Variants in PAGE2B observed in about 807,000 individuals in gnomAD.
The protein encoded by PAGE2B is putative G antigen family E member 3.
In PAGE2B, 5 loss-of-function variants were observed where a neutral mutation model predicts 7.6. The observed-to-expected ratio is 0.66, with a 90% CI of 0.34 to 1.38. The LOEUF (loss-of-function observed/expected upper bound fraction) is 1.38. Among genes scored for constraint, PAGE2B ranks in the 40% most tolerant of loss-of-function variants. The pLI is 0.04. For missense variants in PAGE2B, 70 were observed against 78.4 expected, an observed-to-expected ratio of 0.89 and a Z score of 0.41; for synonymous variants, 29 against 26.7, an observed-to-expected ratio of 1.09 and a Z score of -0.27.
the PAGE2B span, among the ~76,000 whole-genome samples, chrX:55,051,304 G>C: frequency 3.6e-5 from 4 of 110,436 alleles, no homozygotes; most frequent in Non-Finnish European, 7.6e-5. Context: ...TGCTCTTCTC[G>C]AGGAGTATCT....
chrX:55,053,202 G>A, the PAGE2B span, among the ~76,000 whole-genome samples: 2 of 111,869 alleles, frequency 1.8e-5, no homozygotes, highest in African/African-American at 6.5e-5. Context: ...AAAAAGGAAT[G>A]AGATCATGTC....
the PAGE2B span, among the ~76,000 whole-genome samples, chrX:55,036,569 C>A: frequency 9.0e-6 from 1 of 111,027 alleles, no homozygotes; most frequent in African/African-American, 3.3e-5. Flanking sequence ...TCATATGGAA[C>A]CAAAAAAGAG....
the PAGE2B span, among the ~76,000 whole-genome samples, chrX:55,069,831 GA>G: frequency 3.6e-4 from 40 of 111,894 alleles, no homozygotes; most frequent in African/African-American, 1.1e-3. Context: ...TATTTGCGTA[GA>G]GGTGTTTATA....
At chrX:55,031,054 G>T in the PAGE2B span, 1 of 318,760 alleles carries the variant, frequency 3.1e-6, no homozygotes, top group East Asian at 1.0e-4. Flanking sequence ...CTGCCGGCCT[G>T]GCCCTGCATT....
At chrX:55,069,299 T>C in the PAGE2B span, among the ~76,000 whole-genome samples, 1 of 111,892 alleles carries the variant, frequency 8.9e-6, no homozygotes, top group African/African-American at 3.2e-5. Context: ...GAGATAATCA[T>C]GTGGTTTTTG....
At chrX:55,075,827 G>A (rs1389632772) in intron 1 of PAGE2B, among the ~76,000 whole-genome samples, 3 of 111,559 alleles carry the variant, frequency 2.7e-5, no homozygotes, top group Admixed American at 9.5e-5. Context: ...ATGGCGTTAA[G>A]GGGATTTCTA....
the PAGE2B span, among the ~76,000 whole-genome samples, chrX:55,038,759 T>C: frequency 8.9e-6 from 1 of 111,898 alleles, no homozygotes; most frequent in African/African-American, 3.2e-5. Flanking sequence ...TATTCTTATA[T>C]TTAGTATTTT....
At chrX:55,064,724 C>G in the PAGE2B span, among the ~76,000 whole-genome samples, 998 of 110,260 alleles carry the variant, frequency 9.1e-3, 32 homozygotes, top group Admixed American at 0.076. Context: ...TTGCTGTATG[C>G]CATAGGTTTT....
At chrX:55,064,804 C>A in the PAGE2B span, among the ~76,000 whole-genome samples, 336 of 111,569 alleles carry the variant, frequency 3.0e-3, 4 homozygotes, top group African/African-American at 0.011. Context: ...TCTTCATTGA[C>A]CCACTGGTCA....
At chrX:55,076,384 ATGTATATATGTATG>A (rs942197707) in intron 2 of PAGE2B, among the ~76,000 whole-genome samples, 171 bp from the exon 3 acceptor site, 7 of 105,860 alleles carry the variant, frequency 6.6e-5, no homozygotes, top group South Asian at 4.0e-4. Flanking sequence ...GTATGTATGT[ATGTATATATGTATG>A]TGTATATATG....
chrX:55,051,156 T>C, the PAGE2B span, among the ~76,000 whole-genome samples: 1 of 112,024 alleles, frequency 8.9e-6, no homozygotes, highest in Non-Finnish European at 1.9e-5. Flanking sequence ...TTCTGGCTTG[T>C]AGAGTTTCTG....
At chrX:55,075,842 T>C (rs1298463878) in intron 1 of PAGE2B, among the ~76,000 whole-genome samples, 192 bp from the exon 2 acceptor site, 1 of 111,732 alleles carries the variant, frequency 8.9e-6, no homozygotes, top group Non-Finnish European at 1.9e-5. Flanking sequence ...TTTCTATGCC[T>C]CTTCGACTAT....
At chrX:55,065,834 T>G in the PAGE2B span, among the ~76,000 whole-genome samples, 1 of 112,278 alleles carries the variant, frequency 8.9e-6, no homozygotes, top group African/African-American at 3.2e-5. Flanking sequence ...CAAGGAAAAC[T>G]AATAAACAAT....
the PAGE2B span, among the ~76,000 whole-genome samples, chrX:55,046,159 G>A: frequency 9.0e-6 from 1 of 110,671 alleles, no homozygotes; most frequent in Non-Finnish European, 1.9e-5. Context: ...TGTCGCCTGG[G>A]CTGGAGTGCA....
upstream of PAGE2B, among the ~76,000 whole-genome samples, chrX:55,073,155 C>T (rs73490456): frequency 0.069 from 7,711 of 111,446 alleles, 615 homozygotes; most frequent in African/African-American, 0.23. Context: ...AGTGTCTGCC[C>T]GAACAACTGC....
chrX:55,044,587 C>G, the PAGE2B span, among the ~76,000 whole-genome samples: 1 of 108,900 alleles, frequency 9.2e-6, no homozygotes, highest in Non-Finnish European at 1.9e-5. Flanking sequence ...ATCACCTATT[C>G]CCCAAAAACC....
the PAGE2B span, among the ~76,000 whole-genome samples, chrX:55,028,355 G>A: frequency 2.2e-4 from 24 of 111,154 alleles, no homozygotes; most frequent in Non-Finnish European, 3.6e-4. Context: ...GGATGGCCCA[G>A]AAGTGCAGGC....
upstream of PAGE2B, among the ~76,000 whole-genome samples, chrX:55,072,567 C>G (rs1243213198): frequency 1.8e-5 from 2 of 112,510 alleles, no homozygotes. Flanking sequence ...TGTCCCTTAC[C>G]AGAGCTCAAG....
At chrX:55,074,099 C>G (rs1173424949), upstream of PAGE2B, among the ~76,000 whole-genome samples, 24 of 111,812 alleles carry the variant, frequency 2.1e-4, no homozygotes, top group Admixed American at 7.6e-4. Flanking sequence ...TAATATGAAG[C>G]AAATAACACA....
Sources: allele counts gnomAD v4.1 joint callset (sites outside exome capture counted in the v4.1 genomes callset), GRCh38; gene constraint gnomAD v4.1.1; transcripts MANE v1.5; gene names NCBI Gene and HGNC (gene_info 2026-07-23, HGNC 2026-07-21).